Variants in NRDC observed in about 807,000 individuals in gnomAD.
NRDC encodes nardilysin.
Under a neutral mutation model 147.1 loss-of-function variants are expected in NRDC, and 54 were observed. That is an observed-to-expected ratio of 0.37 (90% CI 0.29 to 0.46). The LOEUF (loss-of-function observed/expected upper bound fraction) is 0.46. Among genes scored for constraint, NRDC ranks in the 20% least tolerant of loss-of-function variants. The pLI, the probability that NRDC is intolerant of heterozygous loss-of-function variation, is 1.00. For missense variants in NRDC, 1,082 were observed against 1,370.6 expected (o/e 0.79, Z 3.33); for synonymous variants, 440 against 482.1 (o/e 0.91, Z 1.14).
At chr1:51,820,192 T>C (rs1319614407) in intron 8 of NRDC, among the ~76,000 whole-genome samples, 9 of 152,202 alleles carry the variant, frequency 5.9e-5, no homozygotes, top group Non-Finnish European at 4.4e-5. Context: ...GACAAAGCCA[T>C]TCCAGAAAGA....
At chr1:51,790,041 A>G (rs1678518585) in intron 29 of NRDC, among the ~76,000 whole-genome samples, 1 of 152,196 alleles carries the variant, frequency 6.6e-6, no homozygotes, top group African/African-American at 2.4e-5. Flanking sequence ...CTCTTACTAA[A>G]TAACCTCTTT....
chr1:51,864,723 G>A (rs968252985), intron 1 of NRDC, among the ~76,000 whole-genome samples: 2 of 151,980 alleles, frequency 1.3e-5, no homozygotes, highest in African/African-American at 4.8e-5. Flanking sequence ...AGGACAAGGA[G>A]GGCAGATCAC....
intron 16 of NRDC, among the ~76,000 whole-genome samples, chr1:51,809,661 C>A (rs1679623468): frequency 1.3e-5 from 2 of 152,080 alleles, no homozygotes; most frequent in African/African-American, 4.8e-5. Flanking sequence ...CGTTGGGAGG[C>A]TGAGGTGGGT....
intron 24 of NRDC, 26 bp downstream of exon 24, chr1:51,794,446 G>A (rs776228617): frequency 4.6e-5 from 74 of 1,609,122 alleles, no homozygotes; most frequent in Non-Finnish European, 5.2e-5. Flanking sequence ...TGGGCCTTCC[G>A]CCAGTCTTTA....
chr1:51,791,753 C>T, intron 26 of NRDC, 92 bp from the exon 27 acceptor site: 1 of 1,055,112 alleles, frequency 9.5e-7, no homozygotes, highest in Non-Finnish European at 1.4e-6. Flanking sequence ...AAGTTTCTGC[C>T]CATCCTTATT....
rs1474523939 is a variant in NRDC at position 51,821,501 on chromosome 1, T to C, written c.1214A>G (p.Asn405Ser). The C allele has an allele frequency of 2.5e-6, 4 of 1,590,238 alleles. No homozygotes were observed. The East Asian group carries it at 8.9e-5, about 36-fold the overall frequency. The change falls in exon 8 of 31, where the codon AAC becomes AGC. Residue 405 changes from asparagine to serine, a missense_variant. Asn to Ser is a conservative substitution (Grantham distance 46). This residue lies in a region of NRDC where 635 missense variants were observed against 923.8 expected (regional missense o/e 0.69). Transcript: ENST00000352171. ...WVTEIFSQIP[N>S]NGLPRPNFGH... ...TGTATGAAAATAAATATCTTACTTG[T>C]TTGGTATCTGAGAGAAGATTTCAGT... is the stretch of plus-strand genomic sequence containing the variant.
intron 22 of NRDC, 191 bp from the exon 23 acceptor site, chr1:51,795,045 A>G: frequency 6.8e-7 from 1 of 1,465,170 alleles, no homozygotes; most frequent in Non-Finnish European, 9.1e-7. Context: ...TGGAACACTA[A>G]GCAGCTCTTA....
chr1:51,864,991 A>G (rs1682734560), intron 1 of NRDC, among the ~76,000 whole-genome samples: 1 of 151,806 alleles, frequency 6.6e-6, no homozygotes, highest in Admixed American at 6.6e-5. Context: ...GTAAAAAACT[A>G]TAATAAAATT....
At chr1:51,790,873 G>T in intron 28 of NRDC, 27 bp downstream of exon 28, 1 of 1,584,952 alleles carries the variant, frequency 6.3e-7, no homozygotes, top group Non-Finnish European at 8.6e-7. Flanking sequence ...TGGGCCAAAG[G>T]CCAAAAGACC....
At chr1:51,808,359 A>G (rs1679561491) in intron 17 of NRDC, among the ~76,000 whole-genome samples, 1 of 152,106 alleles carries the variant, frequency 6.6e-6, no homozygotes, top group Admixed American at 6.5e-5. Context: ...GGATTTATCT[A>G]TTCTGAATAT....
chr1:51,863,338 G>A (rs1293912837), intron 1 of NRDC, among the ~76,000 whole-genome samples: 1 of 152,090 alleles, frequency 6.6e-6, no homozygotes, highest in Non-Finnish European at 1.5e-5. Context: ...GGAGGCAGAG[G>A]CTGCAGTGGG....
chr1:51,794,896 A>G, intron 22 of NRDC, 42 bp from the exon 23 acceptor site: 1 of 1,610,522 alleles, frequency 6.2e-7, no homozygotes, highest in Middle Eastern at 1.7e-4. Context: ...CTCTCTAGAC[A>G]TTCATTTCAC....
intron 1 of NRDC, among the ~76,000 whole-genome samples, chr1:51,870,031 T>C (rs756060375): frequency 2.6e-5 from 4 of 152,222 alleles, no homozygotes; most frequent in Non-Finnish European, 5.9e-5. Context: ...TACAAGTATG[T>C]GCCACTGTGC....
At chr1:51,823,633 G>A in intron 7 of NRDC, 31 bp downstream of exon 7, 1 of 1,571,544 alleles carries the variant, frequency 6.4e-7, no homozygotes, top group Non-Finnish European at 8.7e-7. Flanking sequence ...GCTACTTCAA[G>A]GTAACTCTAA....
In NRDC at chr1:51,834,056, A is replaced by G; in HGVS notation, c.827T>C (p.Phe276Ser). 1 of 1,614,092 alleles carries G rather than the reference A, an allele frequency of 6.2e-7. No individual in the cohort carries two copies. The highest frequency in any genetic ancestry group is 8.5e-7 in the Non-Finnish European group (1 of 1,180,000). Reference sequence around the variant, plus strand: ...CTTGAAGTACTTCCTCTGGACATCAAACTGAAAGACAGTGCGTTCACAATC... The same window carrying G: ...CTTGAAGTACTTCCTCTGGACATCAGACTGAAAGACAGTGCGTTCACAATC... ...STDCERTVFQ[F>S]DVQRKYFKEA... Residue 276 changes from phenylalanine to serine, a missense_variant, in exon 4 of 31, where the codon TTT becomes TCT. Physicochemically the swap from Phe to Ser is radical, Grantham distance 155. This residue lies in a region of NRDC where 635 missense variants were observed against 923.8 expected (regional missense o/e 0.69). Transcript: ENST00000352171.
chr1:51,830,570 C>T (rs1377183876), intron 4 of NRDC, among the ~76,000 whole-genome samples: 6 of 152,212 alleles, frequency 3.9e-5, no homozygotes, highest in Admixed American at 3.9e-4. Context: ...CCCCAGAATA[C>T]TCAGGCACTT....
intron 3 of NRDC, among the ~76,000 whole-genome samples, chr1:51,835,051 A>G (rs1262332571): frequency 6.6e-6 from 1 of 152,018 alleles, no homozygotes; most frequent in African/African-American, 2.4e-5. Flanking sequence ...ACATCCACAT[A>G]GAGTTTTTTT....
chr1:51,821,790 G>A (rs1277600194), intron 7 of NRDC, among the ~76,000 whole-genome samples: 1 of 152,118 alleles, frequency 6.6e-6, no homozygotes, highest in Non-Finnish European at 1.5e-5. Context: ...GGTAAAGTCA[G>A]AAAAGGCACA....
rs780188475 is a variant in NRDC, at chr1:51,878,643, C to G, written c.-28G>C. 33 of 1,580,912 alleles carry G rather than the reference C, an allele frequency of 2.1e-5. No individual in the cohort carries two copies. Among genetic ancestry groups the G allele is most frequent in the Middle Eastern group, 1.7e-4 (1 of 6,010 alleles). On this transcript the variant is annotated 5_prime_UTR_variant, in exon 1 of 31. Coordinates refer to ENST00000352171, the MANE Select transcript of NRDC (RefSeq NM_001101662.2). ...ACCACCAAGCTGGAGCGATGGACAT[C>G]CCGCTTCCCAGGACCCACCTCCTCC...
Sources: gnomAD v4.1 joint callset for allele counts (sites outside exome capture counted in the v4.1 genomes callset) on GRCh38, gnomAD v4.1.1 for gene constraint, gnomAD v4.1.1 regional missense constraint, MANE v1.5 for transcripts, NCBI Gene and HGNC (gene_info 2026-07-23, HGNC 2026-07-21) for gene names.